The following NPHP4 variants were observed in gnomAD, a reference collection of about 807,000 sequenced individuals.
The protein encoded by NPHP4 is nephrocystin-4.
Under a neutral mutation model 155.8 loss-of-function variants are expected in NPHP4, and 151 were observed. That is an observed-to-expected ratio of 0.97 (90% CI 0.85 to 1.11). The LOEUF is 1.11. Among genes scored for constraint, NPHP4 ranks in the 50% least tolerant of loss-of-function variants. NPHP4 has a pLI of 0.00. For synonymous variants in NPHP4, 845 were observed against 816.8 expected (o/e 1.03, Z -0.59); for missense variants, 1,956 against 1,925.7 (o/e 1.02, Z -0.29).
At chr1:5,865,030 G>A in intron 27 of NPHP4, 72 bp downstream of exon 27, 5 of 1,499,400 alleles carry the variant, frequency 3.3e-6, no homozygotes, top group Non-Finnish European at 4.6e-6. Context: ...CTGTGCTCCA[G>A]CTGAATGCCC....
At chr1:5,899,892 A>C (rs994186869) in intron 16 of NPHP4, among the ~76,000 whole-genome samples, 1 of 152,236 alleles carries the variant, frequency 6.6e-6, no homozygotes, top group Non-Finnish European at 1.5e-5. Flanking sequence ...ATAAAAAGAC[A>C]TCTGTTCAGG....
intron 23 of NPHP4, chr1:5,868,493 CACA>C (rs1332496856): frequency 8.5e-6 from 2 of 235,378 alleles, no homozygotes; most frequent in Non-Finnish European, 1.7e-5. Context: ...TCAAGATACA[CACA>C]ACCACAGAGA....
At chr1:5,968,984 A>G (rs1320948958) in intron 4 of NPHP4, 103 bp downstream of exon 4, 3 of 727,170 alleles carry the variant, frequency 4.1e-6, no homozygotes, top group South Asian at 4.2e-5. Flanking sequence ...CCGACATTAC[A>G]CCACTGCACT....
chr1:5,972,946 T>C (rs146412778), intron 3 of NPHP4, among the ~76,000 whole-genome samples: 3,105 of 152,102 alleles, frequency 0.02, 107 homozygotes, highest in African/African-American at 0.07. Context: ...TGCAGTGGCG[T>C]GAATCTCAGC....
At chr1:5,880,474 G>A (rs1000254886) in intron 18 of NPHP4, 28 of 513,454 alleles carry the variant, frequency 5.5e-5, no homozygotes, top group Non-Finnish European at 8.1e-5. Flanking sequence ...GGCAGCCTCC[G>A]TTTCCTGGTG....
At chr1:5,888,273 G>C (rs1028578249) in intron 17 of NPHP4, 115 of 915,010 alleles carry the variant, frequency 1.3e-4, no homozygotes, top group Non-Finnish European at 1.5e-4. Flanking sequence ...TGAGGCATGT[G>C]GGGGATGACA....
chr1:5,964,930 TATA>T (rs1651117258), intron 5 of NPHP4, among the ~76,000 whole-genome samples: 1 of 44,164 alleles, frequency 2.3e-5, no homozygotes, highest in African/African-American at 1.5e-4. Flanking sequence ...TATATATATA[TATA>T]TATATATATT....
intron 2 of NPHP4, among the ~76,000 whole-genome samples, chr1:5,980,713 G>A (rs189259833): frequency 6.2e-4 from 95 of 152,058 alleles, no homozygotes; most frequent in Admixed American, 6.2e-3. Context: ...TGCCTAGGTC[G>A]GCCCAGCCCT....
rs1280052046 is a variant in NPHP4, at chr1:5,904,648, C to T, written c.2112G>A (p.Val704=). The change falls in exon 16 of 30, where the codon GTG becomes GTA. Residue 704 remains valine, a synonymous_variant. Coordinates refer to ENST00000378156, the MANE Select transcript of NPHP4 (RefSeq NM_015102.5). Reference sequence around the variant, plus strand: ...CAAAGGTGCCATCTCTGCTCACAGGCACGAGGATGTGGGTCAGGGCGCCAG... The same window carrying T: ...CAAAGGTGCCATCTCTGCTCACAGGTACGAGGATGTGGGTCAGGGCGCCAG... ...PSSGALTHIL[V]PVSRDGTFDA... is the part of the protein sequence containing the mutation. 6.2e-7 allele frequency: 1 copy of T among 1,612,536 alleles called. No homozygotes were observed. The highest frequency in any genetic ancestry group is 8.5e-7 in the Non-Finnish European group (1 of 1,179,014).
intron 9 of NPHP4, among the ~76,000 whole-genome samples, chr1:5,936,345 G>T (rs188863542): frequency 1.3e-5 from 2 of 152,304 alleles, no homozygotes; most frequent in African/African-American, 4.8e-5. Flanking sequence ...AGAGGGACCG[G>T]CAGACAGGAA....
At chr1:5,911,410 A>G (rs1645173227) in intron 11 of NPHP4, among the ~76,000 whole-genome samples, 1 of 152,216 alleles carries the variant, frequency 6.6e-6, no homozygotes, top group Non-Finnish European at 1.5e-5. Flanking sequence ...TGGCTCCATT[A>G]TCTTCAGCAG....
Position 5,864,480 on chromosome 1 carries a change from C to T in NPHP4, c.3854G>A (p.Gly1285Glu), listed in dbSNP as rs1192199886. Reference sequence around the variant, plus strand: ...CACGCCAACATGCAGGTCCTGCACCCCACGAGGCGGCAGCACGAAGACACC... The same window carrying T: ...CACGCCAACATGCAGGTCCTGCACCTCACGAGGCGGCAGCACGAAGACACC... ...PKGVFVLPPR[G>E]VQDLHVGVRP... The change falls in exon 28 of 30, where the codon GGG (glycine) becomes GAG (glutamate). Residue 1285 changes from glycine to glutamate, a missense_variant. By Grantham distance (98) the Gly-to-Glu change is moderately conservative (BLOSUM62 -2). Transcript: ENST00000378156. The T allele has an allele frequency of 2.5e-6, 4 of 1,597,270 alleles. No homozygotes were observed. The highest frequency in any genetic ancestry group is 3.4e-6 in the Non-Finnish European group (4 of 1,171,212).
intron 16 of NPHP4, among the ~76,000 whole-genome samples, chr1:5,893,108 C>A (rs1201918471): frequency 6.6e-6 from 1 of 152,188 alleles, no homozygotes; most frequent in Admixed American, 6.5e-5. Context: ...ACAGAAAAAA[C>A]AACTTTTCAA....
chr1:5,897,451 TGTG>T, intron 16 of NPHP4, among the ~76,000 whole-genome samples: 2 of 152,334 alleles, frequency 1.3e-5, no homozygotes, highest in Middle Eastern at 6.8e-3. Flanking sequence ...GGTGGTGGGC[TGTG>T]AAGCACACAG....
chr1:5,983,915 T>C (rs751293572), intron 2 of NPHP4, among the ~76,000 whole-genome samples: 2 of 152,208 alleles, frequency 1.3e-5, no homozygotes, highest in Admixed American at 6.5e-5. Flanking sequence ...TGTTTACGTC[T>C]TTATGCTTAG....
chr1:5,986,758 T>C (rs1655547639), intron 1 of NPHP4, among the ~76,000 whole-genome samples: 1 of 152,012 alleles, frequency 6.6e-6, no homozygotes, highest in Admixed American at 6.5e-5. Flanking sequence ...GCCCCACCCC[T>C]ACCCCCGTGG....
At chr1:5,981,583 G>A (rs1654708088) in intron 2 of NPHP4, among the ~76,000 whole-genome samples, 1 of 152,098 alleles carries the variant, frequency 6.6e-6, no homozygotes, top group East Asian at 1.9e-4. Flanking sequence ...CCTTTCACAG[G>A]GAAGCAAGCT....
intron 3 of NPHP4, among the ~76,000 whole-genome samples, chr1:5,969,901 C>CT (rs1322857890): frequency 4.6e-5 from 7 of 152,154 alleles, no homozygotes; most frequent in African/African-American, 1.7e-4. Context: ...AGACTAAAGT[C>CT]TTTTTATGCC....
In NPHP4 at chr1:5,905,887, G is replaced by T; in HGVS notation, c.1612-104C>A. ...GATTCATCGATTAATTGCCTCTGGA[G>T]GGTTGCCAGCTCTAGCAAATACAAA... On this transcript the variant is annotated intron_variant, in intron 13 of 29. Transcript: ENST00000378156. This position sits in a 1 kb window ranked among gnomAD's most constrained non-coding sequence, Gnocchi z 4.0. 9.1e-7 allele frequency: 1 copy of T among 1,096,680 alleles called. No individual in the cohort carries two copies. The highest frequency in any genetic ancestry group is 1.3e-6 in the Non-Finnish European group (1 of 769,288). The allele number at this position is 1,096,680 out of a possible 1,614,324, so 67.9% of individuals were successfully genotyped here. A position where few individuals can be genotyped will look rare whatever the true frequency, so the allele number is the denominator to read the frequency against.
Sources: gnomAD v4.1 joint callset for allele counts (sites outside exome capture counted in the v4.1 genomes callset) on GRCh38, gnomAD v4.1.1 for gene constraint, Gnocchi (gnomAD v3.1) non-coding constraint, MANE v1.5 for transcripts, NCBI Gene and HGNC (gene_info 2026-07-23, HGNC 2026-07-21) for gene names.